Variants in SBF2 observed in about 807,000 individuals in gnomAD.
SBF2 encodes myotubularin-related protein 13.
Under a neutral mutation model 225.2 loss-of-function variants are expected in SBF2, and 112 were observed. The observed-to-expected ratio is 0.50, with a 90% CI of 0.43 to 0.58. The LOEUF (loss-of-function observed/expected upper bound fraction) is 0.58. Ranked by LOEUF, SBF2 falls within the 20% of genes least tolerant of loss-of-function variation. The pLI is 0.00. For missense variants in SBF2, 1,996 were observed against 2,206.2 expected, an observed-to-expected ratio of 0.90 and a Z score of 1.91; for synonymous variants, 763 against 773.3, an observed-to-expected ratio of 0.99 and a Z score of 0.22.
At chr11:10,284,188 A>G (rs2135567469) in intron 1 of SBF2, among the ~76,000 whole-genome samples, 1 of 152,340 alleles carries the variant, frequency 6.6e-6, no homozygotes, top group Middle Eastern at 3.4e-3. Context: ...GACGTCTTGC[A>G]AAATTAAATT....
At chr11:10,188,981 C>G (rs1322751222) in intron 2 of SBF2, among the ~76,000 whole-genome samples, 1 of 152,214 alleles carries the variant, frequency 6.6e-6, no homozygotes, top group Non-Finnish European at 1.5e-5. Flanking sequence ...AATCAAGAGT[C>G]CTTCCACACA....
chr11:9,885,128 A>G (rs943801459), intron 17 of SBF2, among the ~76,000 whole-genome samples: 2 of 151,426 alleles, frequency 1.3e-5, no homozygotes, highest in African/African-American at 4.9e-5. Context: ...GTAGGCGCCT[A>G]TAATCCCAGC....
At chr11:10,050,113 T>C (rs139798677) in intron 2 of SBF2, among the ~76,000 whole-genome samples, 2,095 of 152,286 alleles carry the variant, frequency 0.014, 20 homozygotes, top group Non-Finnish European at 0.02. Context: ...AGCTAATCAC[T>C]AGGCTTGGTA....
chr11:10,233,617 A>G (rs1958947549), intron 1 of SBF2, among the ~76,000 whole-genome samples: 1 of 151,942 alleles, frequency 6.6e-6, no homozygotes, highest in Admixed American at 6.6e-5. Context: ...TTCTCCAAAA[A>G]AAAAAAAAAG....
chr11:10,283,398 A>T (rs1963540109), intron 1 of SBF2, among the ~76,000 whole-genome samples: 2 of 152,188 alleles, frequency 1.3e-5, no homozygotes, highest in Admixed American at 1.3e-4. Context: ...CAATGTCTCA[A>T]AATGTGGTAT....
chr11:10,100,241 T>C (rs1195600667), intron 2 of SBF2, among the ~76,000 whole-genome samples: 2 of 152,262 alleles, frequency 1.3e-5, no homozygotes, highest in Non-Finnish European at 2.9e-5. Flanking sequence ...TGTTAATTAC[T>C]CTTTCTCTAC....
chr11:10,286,870 A>G (rs1186647440), intron 1 of SBF2, among the ~76,000 whole-genome samples: 1 of 152,242 alleles, frequency 6.6e-6, no homozygotes, highest in African/African-American at 2.4e-5. Context: ...CACAAATAAG[A>G]CACTTATGAC....
At chr11:9,968,844 C>T (rs980281531) in intron 13 of SBF2, among the ~76,000 whole-genome samples, 5 of 152,144 alleles carry the variant, frequency 3.3e-5, no homozygotes, top group Non-Finnish European at 5.9e-5. Flanking sequence ...ATGTGAATAT[C>T]TCAGGGCTCA....
chr11:10,008,620 T>C (rs1948302862), intron 6 of SBF2, among the ~76,000 whole-genome samples: 1 of 152,204 alleles, frequency 6.6e-6, no homozygotes, highest in Admixed American at 6.5e-5. Flanking sequence ...GCCAGGCCAC[T>C]GGAAGGCCAA....
chr11:10,088,474 C>T (rs1334821631), intron 2 of SBF2, among the ~76,000 whole-genome samples: 1 of 152,116 alleles, frequency 6.6e-6, no homozygotes, highest in Non-Finnish European at 1.5e-5. Context: ...AGAAAAGAGG[C>T]TTATTCAGCT....
chr11:9,839,577 T>A lies in SBF2; in HGVS notation c.3376A>T (p.Ile1126Leu), dbSNP rs747669195. The A allele has an allele frequency of 5.9e-5, 96 of 1,614,082 alleles. No homozygotes were observed. The highest frequency in any genetic ancestry group is 7.8e-5 in the Non-Finnish European group (92 of 1,180,050). The change falls in exon 26 of 40, where the codon ATA becomes TTA. Residue 1126 changes from isoleucine (I) to leucine (L), a missense_variant. Physicochemically the swap from Ile to Leu is conservative, Grantham distance 5. Coordinates refer to ENST00000256190, the MANE Select transcript of SBF2 (RefSeq NM_030962.4). The part of the protein sequence containing the change: ...RDYQRLGLGT[I>L]SGSSSRSRPE... ...CTTGAACGGGAAGAGCTGCCACTTA[T>A]GGTTCCTAAACCTAAACGCTGATAG...
intron 2 of SBF2, among the ~76,000 whole-genome samples, chr11:10,145,686 G>A (rs1954849582): frequency 6.6e-6 from 1 of 152,076 alleles, no homozygotes; most frequent in African/African-American, 2.4e-5. Flanking sequence ...CTCGAGAGAT[G>A]GGCTTCATAA....
intron 1 of SBF2, among the ~76,000 whole-genome samples, chr11:10,249,221 A>G (rs1467107559): frequency 6.7e-6 from 1 of 150,204 alleles, no homozygotes; most frequent in Non-Finnish European, 1.5e-5. Flanking sequence ...TTAAAGCACG[A>G]ATCTGCTCTT....
At chr11:10,249,365 G>GT (rs1960121140) in intron 1 of SBF2, among the ~76,000 whole-genome samples, 1 of 152,086 alleles carries the variant, frequency 6.6e-6, no homozygotes, top group Non-Finnish European at 1.5e-5. Flanking sequence ...ATCTACTAAT[G>GT]TAAGAGTGAA....
intron 16 of SBF2, among the ~76,000 whole-genome samples, chr11:9,931,842 G>A (rs1864519764): frequency 6.6e-6 from 1 of 152,160 alleles, no homozygotes; most frequent in Non-Finnish European, 1.5e-5. Flanking sequence ...CCAAGCTAAA[G>A]GAGCATGTTC....
intron 2 of SBF2, among the ~76,000 whole-genome samples, chr11:10,069,571 T>C (rs575684440): frequency 2.0e-5 from 3 of 152,328 alleles, no homozygotes; most frequent in African/African-American, 7.2e-5. Context: ...GATGGGCATT[T>C]GGGTTGGCTC....
intron 2 of SBF2, among the ~76,000 whole-genome samples, chr11:10,060,795 G>A (rs1345210062): frequency 9.9e-5 from 15 of 152,132 alleles, no homozygotes; most frequent in Admixed American, 2.6e-4. Context: ...TTGGGAGGCC[G>A]AGGCAGGAGG....
At chr11:10,231,111 A>C (rs1958823552) in intron 1 of SBF2, among the ~76,000 whole-genome samples, 2 of 152,104 alleles carry the variant, frequency 1.3e-5, no homozygotes, top group Non-Finnish European at 2.9e-5. Flanking sequence ...TCGGCTACTG[A>C]GGCTTGTGCA....
Position 9,853,595 on chromosome 11 carries a change from A to G in SBF2, c.2481T>C (p.Cys827=), listed in dbSNP as rs777916307. Residue 827 remains cysteine, a synonymous_variant, in exon 20 of 40, where the codon TGT becomes TGC. Transcript: ENST00000256190. ...RFITRFIDKV[C]TESGVTQDHI... is the part of the protein sequence containing the mutation. The stretch of plus-strand genomic sequence containing the variant: ...GATCCTGAGTAACTCCACTCTCTGT[A>G]CAAACTTTGTCAATAAATCGGGTAA... 5.0e-6 allele frequency: 8 copies of G among 1,613,912 alleles called. No homozygotes were observed. Among genetic ancestry groups the G allele is most frequent in the Admixed American group, 1.7e-5 (1 of 59,996 alleles).
Sources: allele counts gnomAD v4.1 joint callset (sites outside exome capture counted in the v4.1 genomes callset), GRCh38; gene constraint gnomAD v4.1.1; transcripts MANE v1.5; gene names NCBI Gene and HGNC (gene_info 2026-07-23, HGNC 2026-07-21).